The following SSH2 variants were observed in gnomAD, a reference collection of about 807,000 sequenced individuals.
The protein encoded by SSH2 is protein phosphatase Slingshot homolog 2.
In SSH2, 37 loss-of-function variants were observed where a neutral mutation model predicts 135.2. The ratio of observed to expected loss-of-function variants is 0.27; its 90% CI spans 0.21 to 0.36. The LOEUF (loss-of-function observed/expected upper bound fraction) is 0.36. SSH2 is among the 10% of genes least tolerant of loss of function. The probability of loss-of-function intolerance (pLI) is 1.00; values close to 1 mark genes in which losing one functional copy is unlikely to be tolerated. For synonymous variants in SSH2, 628 were observed against 646.2 expected, an observed-to-expected ratio of 0.97 and a Z score of 0.43; for missense variants, 1,408 against 1,765.3, an observed-to-expected ratio of 0.80 and a Z score of 3.63.
intron 1 of SSH2, among the ~76,000 whole-genome samples, chr17:29,911,205 T>C (rs2066758272): frequency 6.6e-6 from 1 of 152,200 alleles, no homozygotes; most frequent in African/African-American, 2.4e-5. Flanking sequence ...GTAAGTTATA[T>C]TTTAGTGCAC....
At chr17:29,877,589 G>C (rs2066056948) in intron 1 of SSH2, among the ~76,000 whole-genome samples, 2 of 152,128 alleles carry the variant, frequency 1.3e-5, no homozygotes, top group South Asian at 4.1e-4. Flanking sequence ...AATGAAACTG[G>C]AGGTCATTAC....
intron 8 of SSH2, among the ~76,000 whole-genome samples, chr17:29,675,415 C>A (rs773370554): frequency 5.9e-5 from 9 of 152,126 alleles, no homozygotes; most frequent in Non-Finnish European, 1.0e-4. Context: ...AACTGAAATT[C>A]AAATCCCTGA....
At chr17:29,684,239 T>C (rs531444386) in intron 6 of SSH2, among the ~76,000 whole-genome samples, 1 of 152,236 alleles carries the variant, frequency 6.6e-6, no homozygotes, top group South Asian at 2.1e-4. Flanking sequence ...CTCAGTACTT[T>C]GGGAGGCTGA....
At chr17:29,928,562 A>G (rs756113885) in intron 1 of SSH2, 8 of 398,478 alleles carry the variant, frequency 2.0e-5, no homozygotes, top group Non-Finnish European at 3.1e-5. Context: ...GCCTCCCTGA[A>G]CCAAGAATCC....
rs189038471 is a variant in SSH2, at chr17:29,713,155, G to A, written c.189-10093C>T. On this transcript the variant is annotated intron_variant, in intron 3 of 15. Transcript: ENST00000540801. ...TCGAGACTATCCTGGCTAAAACAGC[G>A]AAATCTCATCTCTACTAAAAATATA... Among the ~76,000 whole-genome samples the A allele has an allele frequency of 1.9e-3, 295 of 152,142 alleles. 1 individual carries two copies. Among genetic ancestry groups the A allele is most frequent in the Middle Eastern group, 0.01 (3 of 294 alleles).
rs559460515 is a variant in SSH2, at chr17:29,831,182, A to G, written c.144+17667T>C. The stretch of plus-strand genomic sequence containing the variant: ...GGGTGAGGGTCTGCTACTGTTAAAG[A>G]AATTTGAGAAGGAAAAAAGCAGTTA... On this transcript the variant is annotated intron_variant, in intron 2 of 15. Coordinates refer to ENST00000540801, the MANE Select transcript of SSH2 (RefSeq NM_001282129.2). 3.5e-3 allele frequency among the ~76,000 whole-genome samples: 526 copies of G among 152,248 alleles called. 4 individuals carry two copies. The highest frequency in any genetic ancestry group is 4.7e-3 in the Non-Finnish European group (320 of 68,000).
In SSH2 at chr17:29,629,335, T is replaced by G. The variant is rs2035585154; in HGVS notation, c.*1506A>C. ...CTCACATATACTTCCTGGCTGTGGT[T>G]GAGATACTGGCAAACAATGTTCTGG... On this transcript the variant is annotated 3_prime_UTR_variant, in exon 16 of 16. Transcript: ENST00000540801. 1 of 152,650 alleles carries G rather than the reference T, an allele frequency of 6.6e-6. No homozygotes were observed. Among genetic ancestry groups the G allele is most frequent in the African/African-American group, 2.4e-5 (1 of 41,430 alleles). 9.5% of individuals were successfully genotyped at this position (152,650 alleles called of 1,614,324 possible).
intron 3 of SSH2, among the ~76,000 whole-genome samples, chr17:29,765,602 T>C (rs1045019231): frequency 6.6e-6 from 1 of 152,174 alleles, no homozygotes; most frequent in African/African-American, 2.4e-5. Flanking sequence ...AAAGTGGCAA[T>C]GATGCTGATA....
intron 2 of SSH2, among the ~76,000 whole-genome samples, chr17:29,826,865 C>T (rs1281501263): frequency 6.6e-6 from 1 of 152,064 alleles, no homozygotes; most frequent in African/African-American, 2.4e-5. Flanking sequence ...AAAAGCAAGG[C>T]CGAGTGATTC....
intron 6 of SSH2, among the ~76,000 whole-genome samples, chr17:29,681,123 G>C (rs1038951420): frequency 2.0e-5 from 3 of 151,756 alleles, no homozygotes; most frequent in South Asian, 4.2e-4. Flanking sequence ...GGCGGATCAC[G>C]AGGTCGAGAT....
intron 1 of SSH2, among the ~76,000 whole-genome samples, chr17:29,926,634 C>T (rs2067071738): frequency 6.6e-6 from 1 of 152,126 alleles, no homozygotes; most frequent in African/African-American, 2.4e-5. Context: ...CTACCTTCTC[C>T]ATCAAGTTCA....
intron 3 of SSH2, among the ~76,000 whole-genome samples, chr17:29,760,869 G>A (rs1447948862): frequency 6.6e-6 from 1 of 152,098 alleles, no homozygotes. Flanking sequence ...CACAACTTCT[G>A]AGGGACAACC....
chr17:29,776,254 G>C (rs1484249189), intron 3 of SSH2: 3 of 152,114 alleles, frequency 2.0e-5, no homozygotes, highest in Non-Finnish European at 4.4e-5. Flanking sequence ...GATTTATCTA[G>C]GATCTTTGAG....
intron 3 of SSH2, among the ~76,000 whole-genome samples, chr17:29,744,431 T>G (rs1320035340): frequency 1.3e-5 from 2 of 152,234 alleles, no homozygotes; most frequent in Non-Finnish European, 2.9e-5. Context: ...GTATCTCTTT[T>G]TTGACTCAAT....
intron 1 of SSH2, chr17:29,855,799 A>G: frequency 6.1e-6 from 1 of 163,416 alleles, no homozygotes; most frequent in Non-Finnish European, 1.3e-5. Context: ...GACATTCCAG[A>G]AAATGCAGAC....
At chr17:29,777,960 C>G (rs903929651) in intron 3 of SSH2, among the ~76,000 whole-genome samples, 12 of 151,932 alleles carry the variant, frequency 7.9e-5, no homozygotes, top group African/African-American at 2.4e-4. Context: ...GCTCTTTCCC[C>G]TCCCATGAAA....
chr17:29,788,599 T>C lies in SSH2; in HGVS notation c.188+5295A>G, dbSNP rs183114579. 7.2e-5 allele frequency among the ~76,000 whole-genome samples: 11 copies of C among 152,186 alleles called. No homozygotes were observed. The East Asian group carries it at 2.1e-3, about 29-fold the overall frequency. ...TTTCTTTCTCTCTCTTTTTTCTTTC[T>C]TTCCCTCACTCTCTCCCTCCCTTCC... On this transcript the variant is annotated intron_variant, in intron 3 of 15. Transcript: ENST00000540801.
intron 3 of SSH2, among the ~76,000 whole-genome samples, chr17:29,779,465 G>GATA (rs1207148282): frequency 4.6e-5 from 7 of 152,140 alleles, no homozygotes; most frequent in Non-Finnish European, 1.0e-4. Flanking sequence ...ATAAACGGCA[G>GATA]ATAGTTCTCT....
intron 1 of SSH2, among the ~76,000 whole-genome samples, chr17:29,914,474 A>T (rs961929026): frequency 6.6e-6 from 1 of 150,824 alleles, no homozygotes; most frequent in Non-Finnish European, 1.5e-5. Flanking sequence ...CTGAGGTGGT[A>T]GGATGGCTTG....
Sources: gnomAD v4.1 joint callset for allele counts (sites outside exome capture counted in the v4.1 genomes callset) on GRCh38, gnomAD v4.1.1 for gene constraint, MANE v1.5 for transcripts, NCBI Gene and HGNC (gene_info 2026-07-23, HGNC 2026-07-21) for gene names.